Variants in UGT2A1 observed in about 807,000 individuals in gnomAD.
The protein encoded by UGT2A1 is UDP-glucuronosyltransferase 2A1.
A neutral mutation model predicts 45.4 loss-of-function variants in UGT2A1; 61 were observed. That is an observed-to-expected ratio of 1.34 (90% CI 1.09 to 1.66). The LOEUF (loss-of-function observed/expected upper bound fraction) is 1.66, where lower values mean the gene tolerates loss of function less well. UGT2A1 is among the 40% of genes most tolerant of loss of function. The pLI is 0.00. For missense variants in UGT2A1, 649 were observed against 574.3 expected (o/e 1.13, Z -1.33); for synonymous variants, 229 against 196.2 (o/e 1.17, Z -1.40).
Position 69,635,762 on chromosome 4 carries a change from G to A in UGT2A1, c.776C>T (p.Pro259Leu). Residue 259 changes from proline (P) to leucine (L), a missense_variant, in exon 3 of 7, where the codon CCT becomes CTT. By Grantham distance (98) the Pro-to-Leu change is moderately conservative. Transcript: ENST00000286604. ...GAATCGCTTGAACCCGGGAAGCAGA[G>A]GTTGCAGTGAGCCAAGATCCGCCAC... The part of the protein sequence containing the change: ...SAVADLGSLQ[P>L]LLPGFKRFSR... The A allele has an allele frequency of 4.8e-6, 1 of 206,716 alleles. No individual in the cohort carries two copies. Among genetic ancestry groups the A allele is most frequent in the South Asian group, 4.8e-5 (1 of 20,780 alleles). The allele number at this position is 206,716 out of a possible 1,614,324, so 12.8% of individuals were successfully genotyped here. A position where few individuals can be genotyped will look rare whatever the true frequency, so the allele number is the denominator to read the frequency against.
At chr4:69,625,941 C>A (rs1721030061) in intron 3 of UGT2A1, among the ~76,000 whole-genome samples, 1 of 151,514 alleles carries the variant, frequency 6.6e-6, no homozygotes, top group African/African-American at 2.4e-5. Context: ...CACAAACTAT[C>A]ATCGAAGAGT....
intron 3 of UGT2A1, among the ~76,000 whole-genome samples, chr4:69,612,513 T>C (rs960314357): frequency 2.7e-5 from 4 of 149,540 alleles, no homozygotes; most frequent in African/African-American, 9.9e-5. Flanking sequence ...TTAAAAAGCA[T>C]GGTACCAGTT....
chr4:69,647,275 C>A lies in UGT2A1; in HGVS notation c.370G>T (p.Glu124Ter). The A allele has an allele frequency of 6.2e-7, 1 of 1,613,352 alleles. No individual in the cohort carries two copies. Among genetic ancestry groups the A allele is most frequent in the East Asian group, 2.2e-5 (1 of 44,866 alleles). ...TTTTTAAGAACGCCATCACAGATCT[C>A]CTGAGACACCATGTGGAAGTCCTTG... ...VIKDFHMVSQ[E>*]ICDGVLKNQQ... The change falls in exon 2 of 7, where the codon GAG becomes TAG. Residue 124 changes from glutamate (E) to a stop codon, truncating the protein, a stop_gained. Transcript: ENST00000286604. LOFTEE classifies it high-confidence loss of function.
chr4:69,629,641 C>G (rs548451754), intron 3 of UGT2A1, among the ~76,000 whole-genome samples: 2 of 151,964 alleles, frequency 1.3e-5, no homozygotes, highest in Admixed American at 6.6e-5. Context: ...AAACTGCATC[C>G]CGTCACCACA....
At chr4:69,636,890 T>C (rs1261436294) in intron 2 of UGT2A1, among the ~76,000 whole-genome samples, 1 of 152,174 alleles carries the variant, frequency 6.6e-6, no homozygotes, top group Non-Finnish European at 1.5e-5. Context: ...AAGTTTCAGT[T>C]ACTTGTCTGA....
At chr4:69,619,700 A>G (rs1720630070) in intron 3 of UGT2A1, among the ~76,000 whole-genome samples, 1 of 152,020 alleles carries the variant, frequency 6.6e-6, no homozygotes, top group African/African-American at 2.4e-5. Context: ...ACAACAAAAA[A>G]TAAAATAAAA....
intron 1 of UGT2A1, among the ~76,000 whole-genome samples, chr4:69,651,598 C>G (rs951469561): frequency 6.6e-6 from 1 of 152,156 alleles, no homozygotes; most frequent in Non-Finnish European, 1.5e-5. Flanking sequence ...TGTCAGGTGA[C>G]AGTTCCATGA....
chr4:69,601,385 G>GC (rs1371944690), intron 3 of UGT2A1, among the ~76,000 whole-genome samples: 1 of 151,888 alleles, frequency 6.6e-6, no homozygotes, highest in Non-Finnish European at 1.5e-5. Flanking sequence ...GCCCTTCCCC[G>GC]CCCCCCGGAG....
chr4:69,607,368 G>A (rs373312651), intron 3 of UGT2A1, among the ~76,000 whole-genome samples: 33,738 of 149,320 alleles, frequency 0.23, 3,974 homozygotes, highest in Middle Eastern at 0.31. Flanking sequence ...CTAGCCATAT[G>A]TAGAAAGCTG....
intron 2 of UGT2A1, among the ~76,000 whole-genome samples, chr4:69,638,736 G>T (rs1721864384): frequency 6.6e-6 from 1 of 152,010 alleles, no homozygotes; most frequent in South Asian, 2.1e-4. Flanking sequence ...TCATTGTTAA[G>T]GATTTATTCA....
chr4:69,614,864 C>T (rs1457218645), intron 3 of UGT2A1, among the ~76,000 whole-genome samples: 1 of 151,998 alleles, frequency 6.6e-6, no homozygotes, highest in Non-Finnish European at 1.5e-5. Flanking sequence ...AATTGACCCA[C>T]AGTTCCACAG....
intron 5 of UGT2A1, 91 bp from the exon 6 acceptor site, chr4:69,594,787 A>G: frequency 7.0e-7 from 1 of 1,425,698 alleles, no homozygotes; most frequent in Non-Finnish European, 9.5e-7. Context: ...CTGTAATGTA[A>G]CTCTCTAAAG....
intron 3 of UGT2A1, among the ~76,000 whole-genome samples, chr4:69,610,245 A>AG (rs1254784771): frequency 3.2e-5 from 4 of 126,298 alleles, no homozygotes. Flanking sequence ...TTCTGCCATT[A>AG]CAAAAAAAAA....
chr4:69,594,712 A>T lies in UGT2A1; in HGVS notation c.1085-16T>A. On this transcript the variant is annotated splice_polypyrimidine_tract_variant and intron_variant, in intron 5 of 6. Transcript: ENST00000286604. ...TTGGGATGTCCTAATTTGAGGATGG[A>T]GTGAGAAGTGGGTGTGTAATAATAA... The T allele has an allele frequency of 6.2e-7, 1 of 1,607,428 alleles. No individual in the cohort carries two copies. Among genetic ancestry groups the T allele is most frequent in the Non-Finnish European group, 8.5e-7 (1 of 1,176,084 alleles).
chr4:69,636,360 A>G (rs193190843), intron 2 of UGT2A1, among the ~76,000 whole-genome samples: 1 of 152,304 alleles, frequency 6.6e-6, no homozygotes, highest in East Asian at 1.9e-4. Context: ...GATGGCAAAC[A>G]AAATACAAAA....
At chr4:69,646,164 C>T (rs1722250863) in intron 2 of UGT2A1, among the ~76,000 whole-genome samples, 1 of 151,518 alleles carries the variant, frequency 6.6e-6, no homozygotes, top group Non-Finnish European at 1.5e-5. Context: ...TTTTAGTCTT[C>T]CTATCTAAAA....
intron 3 of UGT2A1, among the ~76,000 whole-genome samples, chr4:69,628,902 A>T (rs1721236916): frequency 1.3e-5 from 2 of 151,746 alleles, no homozygotes; most frequent in African/African-American, 4.8e-5. Context: ...TATAGTCTAC[A>T]CTGAGAGAGA....
In UGT2A1 at chr4:69,650,242, G is replaced by A. The variant is rs191704641; in HGVS notation, c.-54-2544C>T. ...GTGACCCTGGGCTGCTTCACTATGT[G>A]TTTATTGGGTACCTACTATTCACAC... On this transcript the variant is annotated intron_variant, in intron 1 of 6. Transcript: ENST00000286604. Among the ~76,000 whole-genome samples the A allele has an allele frequency of 9.2e-5, 14 of 152,200 alleles. No homozygotes were observed. In the East Asian group the frequency reaches 2.7e-3, roughly 29 times the overall value.
intron 2 of UGT2A1, among the ~76,000 whole-genome samples, chr4:69,646,677 T>A (rs573548943): frequency 6.6e-6 from 1 of 151,984 alleles, no homozygotes; most frequent in East Asian, 1.9e-4. Context: ...ACTTTTAAAT[T>A]GAAGTATTTG....
Sources: gnomAD v4.1 joint callset for allele counts (sites outside exome capture counted in the v4.1 genomes callset) on GRCh38, gnomAD v4.1.1 for gene constraint, MANE v1.5 for transcripts, NCBI Gene and HGNC (gene_info 2026-07-23, HGNC 2026-07-21) for gene names.